SUCLG2: variants seen among roughly 807,000 people sequenced by gnomAD.
The protein encoded by SUCLG2 is succinate-CoA ligase GDP-forming subunit beta.
Under a neutral mutation model 47.9 loss-of-function variants are expected in SUCLG2, and 42 were observed. The ratio of observed to expected loss-of-function variants is 0.88; its 90% CI spans 0.69 to 1.14. The LOEUF is 1.14. Among genes scored for constraint, SUCLG2 ranks in the 50% most tolerant of loss-of-function variants. The pLI, the probability that SUCLG2 is intolerant of heterozygous loss-of-function variation, is 0.00. For synonymous variants in SUCLG2, 195 were observed against 197.3 expected, an observed-to-expected ratio of 0.99 and a Z score of 0.10; for missense variants, 571 against 525.9, an observed-to-expected ratio of 1.09 and a Z score of -0.84.
At chr3:67,473,906 A>C (rs907154212) in intron 9 of SUCLG2, among the ~76,000 whole-genome samples, 1 of 152,112 alleles carries the variant, frequency 6.6e-6, no homozygotes, top group Non-Finnish European at 1.5e-5. Flanking sequence ...TGTTATCCTT[A>C]GTGATGGAAA....
intron 10 of SUCLG2, chr3:67,376,074 G>C: frequency 1.0e-6 from 1 of 985,470 alleles, no homozygotes. Flanking sequence ...GCAAGGGCTT[G>C]CAAGAGGGAA....
intron 10 of SUCLG2, among the ~76,000 whole-genome samples, chr3:67,383,304 T>C (rs1702196864): frequency 6.6e-6 from 1 of 152,236 alleles, no homozygotes; most frequent in Non-Finnish European, 1.5e-5. Flanking sequence ...TTATTCCATT[T>C]TGCAGAGGAA....
At chr3:67,441,244 G>A (rs1261715655) in intron 9 of SUCLG2, among the ~76,000 whole-genome samples, 1 of 152,048 alleles carries the variant, frequency 6.6e-6, no homozygotes, top group Non-Finnish European at 1.5e-5. Context: ...GGGGCTAGGG[G>A]AGGGATAGCA....
At chr3:67,585,050 A>G (rs6794288) in intron 2 of SUCLG2, among the ~76,000 whole-genome samples, 103,483 of 152,190 alleles carry the variant, frequency 0.68, 37,972 homozygotes, top group Non-Finnish European at 0.82. Flanking sequence ...TGAAATGGGT[A>G]AATTTTATGA....
chr3:67,376,150 C>A (rs529804473), intron 10 of SUCLG2: 3 of 970,132 alleles, frequency 3.1e-6, no homozygotes, highest in African/African-American at 1.9e-5. Flanking sequence ...GGATTTAATG[C>A]GGTTTTGGCC....
At chr3:67,646,992 G>A (rs776113928) in intron 1 of SUCLG2, among the ~76,000 whole-genome samples, 2 of 152,044 alleles carry the variant, frequency 1.3e-5, no homozygotes, top group Non-Finnish European at 2.9e-5. Context: ...CAGGATCAGC[G>A]ATCTTGTCCT....
At chr3:67,435,826 C>T (rs1039588274) in intron 9 of SUCLG2, among the ~76,000 whole-genome samples, 13 of 152,098 alleles carry the variant, frequency 8.5e-5, no homozygotes, top group South Asian at 2.1e-4. Flanking sequence ...GGAACAAACA[C>T]GAACATAGCT....
chr3:67,370,624 A>G (rs1213817834), downstream of SUCLG2, among the ~76,000 whole-genome samples: 1 of 152,224 alleles, frequency 6.6e-6, no homozygotes, highest in African/African-American at 2.4e-5. Context: ...GTCTTTTCCT[A>G]GACATATATC....
At chr3:67,456,008 C>A (rs1481236973) in intron 9 of SUCLG2, among the ~76,000 whole-genome samples, 1 of 152,142 alleles carries the variant, frequency 6.6e-6, no homozygotes, top group Non-Finnish European at 1.5e-5. Context: ...TGATTCACTC[C>A]CATGATATTG....
At chr3:67,518,394 C>T in intron 5 of SUCLG2, 58 bp from the exon 6 acceptor site, 1 of 1,498,604 alleles carries the variant, frequency 6.7e-7, no homozygotes, top group African/African-American at 1.4e-5. Flanking sequence ...AGATTTACAA[C>T]CTCAAAAGAA....
At chr3:67,404,574 A>C (rs1702760511) in intron 9 of SUCLG2, among the ~76,000 whole-genome samples, 1 of 152,008 alleles carries the variant, frequency 6.6e-6, no homozygotes, top group Non-Finnish European at 1.5e-5. Context: ...TTTAGGACAC[A>C]CGATACACCA....
intron 9 of SUCLG2, among the ~76,000 whole-genome samples, chr3:67,447,126 A>C (rs774608721): frequency 1.5e-4 from 23 of 152,318 alleles, no homozygotes; most frequent in Admixed American, 3.3e-4. Flanking sequence ...CCTACTGAAA[A>C]ACATGCTAAA....
chr3:67,553,752 T>C (rs1707079639), intron 2 of SUCLG2, among the ~76,000 whole-genome samples: 1 of 152,168 alleles, frequency 6.6e-6, no homozygotes, highest in Non-Finnish European at 1.5e-5. Context: ...TTGTTTATAA[T>C]CTTTGTCAAA....
rs547862394 is a variant in SUCLG2 at position 67,512,725 on chromosome 3, C to A, written c.661-3822G>T. On this transcript the variant is annotated intron_variant, in intron 6 of 10. Transcript: ENST00000307227. ...TGGTACATTCACATTGCTGTGCAAC[C>A]AATTCCTAGAACTTCTTCATCTTCC... is the stretch of plus-strand genomic sequence containing the variant. Among the ~76,000 whole-genome samples, 179 of 151,020 alleles carry A rather than the reference C, an allele frequency of 1.2e-3. 13 individuals are homozygous for A. Among genetic ancestry groups the A allele is most frequent in the African/African-American group, 4.3e-3 (173 of 40,470 alleles).
downstream of SUCLG2, among the ~76,000 whole-genome samples, chr3:67,371,543 T>C (rs1575653023): frequency 6.6e-6 from 1 of 152,164 alleles, no homozygotes; most frequent in African/African-American, 2.4e-5. Context: ...CCCTAGAAAA[T>C]GGCCCTTGCC....
rs1478376812 is a variant in SUCLG2, at chr3:67,518,326, T to G, written c.581A>C (p.Asp194Ala). 1 of 1,609,102 alleles carries G rather than the reference T, an allele frequency of 6.2e-7. No individual in the cohort carries two copies. Among genetic ancestry groups the G allele is most frequent in the Non-Finnish European group, 8.5e-7 (1 of 1,177,212 alleles). ...NPELIFKEQI[D>A]IFEGIKDSQA... ...GCTGTCCTTTATTCCTTCAAAAATG[T>G]CAATTTGCTCCTAGTAAAAATAAAT... The change falls in exon 6 of 11, where the codon GAC (aspartate) becomes GCC (alanine). Residue 194 changes from aspartate (D) to alanine (A), a missense_variant. Physicochemically the swap from Asp to Ala is moderately radical, Grantham distance 126. Coordinates refer to ENST00000307227, the MANE Select transcript of SUCLG2 (RefSeq NM_003848.4).
At chr3:67,400,187 G>T (rs1054812653) in intron 10 of SUCLG2, among the ~76,000 whole-genome samples, 1 of 151,694 alleles carries the variant, frequency 6.6e-6, no homozygotes, top group Non-Finnish European at 1.5e-5. Context: ...GTAAAACAAT[G>T]TCATTATTCT....
downstream of SUCLG2, among the ~76,000 whole-genome samples, chr3:67,372,999 T>C (rs1701973913): frequency 6.6e-6 from 1 of 152,164 alleles, no homozygotes; most frequent in South Asian, 2.1e-4. Context: ...AAACTTAATT[T>C]ACTAAAATAG....
Position 67,442,049 on chromosome 3 carries a change from C to T in SUCLG2, c.1063-41198G>A, listed in dbSNP as rs1263607876. ...TTTTTGAGACGAAGTCTCGCTCTGT[C>T]GCCCAGGCTGGAGTGCAGTGGCGGG... On this transcript the variant is annotated intron_variant, in intron 9 of 10. Transcript: ENST00000307227. Among the ~76,000 whole-genome samples the T allele has an allele frequency of 6.3e-5, 9 of 143,984 alleles. No homozygotes were observed. In the Admixed American group the frequency reaches 6.5e-4, roughly 10 times the overall value. The allele number at this position is 143,984 out of a possible 152,430, so 94.5% of individuals were successfully genotyped here.
Sources: allele counts gnomAD v4.1 joint callset (sites outside exome capture counted in the v4.1 genomes callset), GRCh38; gene constraint gnomAD v4.1.1; transcripts MANE v1.5; gene names NCBI Gene and HGNC (gene_info 2026-07-23, HGNC 2026-07-21).